The following DCAF6 variants were observed in gnomAD, a reference collection of about 807,000 sequenced individuals.
DCAF6 encodes the protein DDB1- and CUL4-associated factor 6.
In DCAF6, 54 loss-of-function variants were observed where a neutral mutation model predicts 125.1. The observed-to-expected ratio is 0.43, with a 90% confidence interval of 0.35 to 0.54. DCAF6 has a LOEUF of 0.54. Ranked by LOEUF, DCAF6 falls within the 20% of genes least tolerant of loss-of-function variation. The pLI is 0.01. For missense variants in DCAF6, 934 were observed against 1,161.7 expected (o/e 0.80, Z 2.85); for synonymous variants, 371 against 390.4 (o/e 0.95, Z 0.58).
At chr1:167,959,837 T>C (rs1675304670) in intron 2 of DCAF6, among the ~76,000 whole-genome samples, 1 of 152,206 alleles carries the variant, frequency 6.6e-6, no homozygotes. Context: ...CATTGTCTTT[T>C]GCAGGGTGGA....
At chr1:168,065,511 A>T (rs1020296654) in intron 18 of DCAF6, 79 bp from the exon 19 acceptor site, 40 of 1,043,630 alleles carry the variant, frequency 3.8e-5, no homozygotes, top group South Asian at 2.5e-4. Context: ...TAAAACAAAT[A>T]AAAAAATGTA....
chr1:167,971,143 G>T lies in DCAF6; in HGVS notation c.253-3687G>T, dbSNP rs936283940. ...TCTTTCTGAGATCACCTGCTTTCTCGGGTATCTCCCATCTACTTGGTAAAT... is the reference window on the plus strand; with the variant it reads ...TCTTTCTGAGATCACCTGCTTTCTCTGGTATCTCCCATCTACTTGGTAAAT... On this transcript the variant is annotated intron_variant, in intron 3 of 21. Transcript: ENST00000367840. 4.6e-5 allele frequency among the ~76,000 whole-genome samples: 7 copies of T among 151,948 alleles called. No individual in the cohort carries two copies. In the South Asian group the frequency reaches 1.5e-3, roughly 32 times the overall value.
At chr1:167,995,715 A>G (rs1681569170) in intron 7 of DCAF6, among the ~76,000 whole-genome samples, 1 of 152,090 alleles carries the variant, frequency 6.6e-6, no homozygotes, top group Non-Finnish European at 1.5e-5. Flanking sequence ...TAACAAACCA[A>G]ACAATTCAGA....
intron 17 of DCAF6, among the ~76,000 whole-genome samples, chr1:168,062,388 A>G (rs1198435899): frequency 6.6e-6 from 1 of 152,104 alleles, no homozygotes; most frequent in Non-Finnish European, 1.5e-5. Context: ...ACTTTCCCGT[A>G]TATGTGTTAT....
At chr1:167,923,698 A>G in the DCAF6 span, among the ~76,000 whole-genome samples, 2 of 151,840 alleles carry the variant, frequency 1.3e-5, no homozygotes, top group African/African-American at 2.4e-5. Context: ...ATTTTACCAC[A>G]TTAAAAAAAA....
chr1:168,062,043 A>G (rs1363578060), intron 17 of DCAF6, among the ~76,000 whole-genome samples: 2 of 152,148 alleles, frequency 1.3e-5, no homozygotes, highest in Admixed American at 1.3e-4. Context: ...AAATATTAAT[A>G]TATTTATACC....
chr1:168,021,305 A>G (rs144811769), intron 11 of DCAF6, among the ~76,000 whole-genome samples: 2 of 152,300 alleles, frequency 1.3e-5, no homozygotes, highest in African/African-American at 2.4e-5. Context: ...AATGAAATGT[A>G]TAACAAATCC....
At chr1:167,919,064 G>A in the DCAF6 span, among the ~76,000 whole-genome samples, 6 of 152,118 alleles carry the variant, frequency 3.9e-5, no homozygotes, top group Non-Finnish European at 8.8e-5. Flanking sequence ...TACTCGCAAA[G>A]CACCTTTCCT....
the DCAF6 span, chr1:167,878,310 T>C: frequency 1.2e-4 from 107 of 929,900 alleles, no homozygotes; most frequent in African/African-American, 1.6e-3. Context: ...TTTTGAAGTC[T>C]GGGCCTTGGT....
intron 8 of DCAF6, among the ~76,000 whole-genome samples, chr1:168,003,636 T>G (rs1303836243): frequency 6.6e-6 from 1 of 152,086 alleles, no homozygotes; most frequent in Non-Finnish European, 1.5e-5. Flanking sequence ...GAAGGAGAGG[T>G]GAGCCCTGTT....
At chr1:167,887,116 A>G in the DCAF6 span, among the ~76,000 whole-genome samples, 1 of 152,182 alleles carries the variant, frequency 6.6e-6, no homozygotes, top group Non-Finnish European at 1.5e-5. Context: ...AACTAGTTCA[A>G]CCATTGTGGA....
chr1:167,876,738 C>A, the DCAF6 span, among the ~76,000 whole-genome samples: 1 of 152,252 alleles, frequency 6.6e-6, no homozygotes, highest in East Asian at 1.9e-4. Flanking sequence ...GTACCTGTAT[C>A]TGTGCCCTTT....
intron 2 of DCAF6, among the ~76,000 whole-genome samples, chr1:167,963,116 C>G (rs1240591692): frequency 6.6e-6 from 1 of 151,582 alleles, no homozygotes; most frequent in African/African-American, 2.4e-5. Context: ...AAAAATTAGC[C>G]AAGCATAGTG....
chr1:167,918,574 A>T, the DCAF6 span, among the ~76,000 whole-genome samples: 1 of 151,214 alleles, frequency 6.6e-6, no homozygotes, highest in Non-Finnish European at 1.5e-5. Flanking sequence ...TTCAGATAAT[A>T]AGAGCACAAC....
chr1:167,911,662 T>A, the DCAF6 span, among the ~76,000 whole-genome samples: 1 of 152,210 alleles, frequency 6.6e-6, no homozygotes, highest in South Asian at 2.1e-4. Flanking sequence ...CAGTGTACTC[T>A]CGTGGCAAAA....
At chr1:168,017,659 T>A (rs532491527) in intron 11 of DCAF6, among the ~76,000 whole-genome samples, 1 of 152,258 alleles carries the variant, frequency 6.6e-6, no homozygotes, top group African/African-American at 2.4e-5. Flanking sequence ...TAGGTTTTAA[T>A]TGAGTAACAA....
At chr1:167,916,615 AAGG>A in the DCAF6 span, 1 of 152,238 alleles carries the variant, frequency 6.6e-6, no homozygotes, top group East Asian at 1.9e-4. Flanking sequence ...AGAAACAAGA[AAGG>A]AGGACTGCCT....
chr1:167,998,172 T>C (rs969865848), intron 7 of DCAF6, among the ~76,000 whole-genome samples: 3 of 152,218 alleles, frequency 2.0e-5, no homozygotes, highest in Admixed American at 2.0e-4. Context: ...ACAGATCTTT[T>C]GGTTTCCCAG....
chr1:167,949,332 A>G (rs1673571652), intron 1 of DCAF6, among the ~76,000 whole-genome samples: 1 of 152,208 alleles, frequency 6.6e-6, no homozygotes, highest in Non-Finnish European at 1.5e-5. Flanking sequence ...CTATCTTCTC[A>G]GTGAGGTTTA....
Sources: allele counts gnomAD v4.1 joint callset (sites outside exome capture counted in the v4.1 genomes callset), GRCh38; gene constraint gnomAD v4.1.1; transcripts MANE v1.5; gene names NCBI Gene and HGNC (gene_info 2026-07-23, HGNC 2026-07-21).